Variants in C8orf76 observed in about 807,000 individuals in gnomAD.
The protein encoded by C8orf76 is uncharacterized protein C8orf76.
In C8orf76, 46 loss-of-function variants were observed where a neutral mutation model predicts 38.1. That is an observed-to-expected ratio of 1.21 (90% CI 0.95 to 1.54). The LOEUF (loss-of-function observed/expected upper bound fraction) is 1.54. Ranked by LOEUF, C8orf76 falls within the 40% of genes most tolerant of loss-of-function variation. The probability of loss-of-function intolerance (pLI) is 0.00; values close to 1 mark genes in which losing one functional copy is unlikely to be tolerated. For missense variants in C8orf76, 461 were observed against 441.6 expected, an observed-to-expected ratio of 1.04 and a Z score of -0.39; for synonymous variants, 166 against 167.5, an observed-to-expected ratio of 0.99 and a Z score of 0.07.
intron 5 of C8orf76, among the ~76,000 whole-genome samples, chr8:123,222,465 G>A (rs190435424): frequency 1.3e-5 from 2 of 152,234 alleles, no homozygotes; most frequent in East Asian, 1.9e-4. Flanking sequence ...AAGAGGGACA[G>A]ATAGGCACAA....
rs995506649 is a variant in C8orf76 at position 123,233,456 on chromosome 8, G to A, written c.358-1699C>T. 3.9e-5 allele frequency among the ~76,000 whole-genome samples: 6 copies of A among 151,974 alleles called. 1 individual carries two copies. The highest frequency in any genetic ancestry group is 1.4e-4 in the African/African-American group (6 of 41,396). On this transcript the variant is annotated intron_variant, in intron 3 of 5. Coordinates refer to ENST00000276704, the MANE Select transcript of C8orf76 (RefSeq NM_032847.3). ...TTTGCCCAGGCTGGAGTGCAGTGGC[G>A]TGATCTCGACTCACTGCAATCTCCA...
chr8:123,239,995 A>G (rs1563803161), intron 1 of C8orf76: 1 of 152,092 alleles, frequency 6.6e-6, no homozygotes, highest in Non-Finnish European at 1.5e-5. Flanking sequence ...CAAAAAAAAA[A>G]AAAAGAAAAG....
rs1282341685 is a variant in C8orf76, at chr8:123,241,223, T to C, written c.117+7A>G. ...CGGGATAAGGCGAAGAGGCCCCAGC[T>C]TCTCACCTGCGGCTCGCAGAGCTTG... On this transcript the variant is annotated splice_region_variant and intron_variant, in intron 1 of 5. Coordinates refer to ENST00000276704, the MANE Select transcript of C8orf76 (RefSeq NM_032847.3). The C allele has an allele frequency of 1.3e-6, 2 of 1,586,422 alleles. No homozygotes were observed. The highest frequency in any genetic ancestry group is 1.7e-6 in the Non-Finnish European group (2 of 1,170,610).
At chr8:123,226,427 T>TA (rs780844582) in intron 5 of C8orf76, 73 bp downstream of exon 5, 7 of 1,580,866 alleles carry the variant, frequency 4.4e-6, no homozygotes, top group Admixed American at 2.0e-5. Flanking sequence ...CCCTGCTTTA[T>TA]AAAAAATGCT....
At chr8:123,240,016 C>T (rs959594457) in intron 1 of C8orf76, 2 of 151,984 alleles carry the variant, frequency 1.3e-5, no homozygotes, top group African/African-American at 4.8e-5. Flanking sequence ...AAAAAAATCA[C>T]TTCATTTTAG....
At chr8:123,222,337 G>T (rs902931819) in intron 5 of C8orf76, among the ~76,000 whole-genome samples, 2 of 152,196 alleles carry the variant, frequency 1.3e-5, no homozygotes. Flanking sequence ...TAAAACTGAT[G>T]ATTTCCTGGA....
intron 2 of C8orf76, 122 bp from the exon 3 acceptor site, chr8:123,238,063 C>A: frequency 8.7e-7 from 1 of 1,147,570 alleles, no homozygotes; most frequent in Non-Finnish European, 1.2e-6. Flanking sequence ...CAATGAATTA[C>A]ATGAATATTT....
In C8orf76 at chr8:123,220,007, C is replaced by CATACTCCATGATTATACTCCATG; in HGVS notation, c.*95_*96insCATGGAGTATAATCATGGAGTAT. 1 of 668,810 alleles carries CATACTCCATGATTATACTCCATG rather than the reference C, an allele frequency of 1.5e-6. No homozygotes were observed. Among genetic ancestry groups the CATACTCCATGATTATACTCCATG allele is most frequent in the Non-Finnish European group, 2.4e-6 (1 of 417,506 alleles). The allele number at this position is 668,810 out of a possible 1,614,324, so 41.4% of individuals were successfully genotyped here. A position where few individuals can be genotyped will look rare whatever the true frequency, so the allele number is the denominator to read the frequency against. On this transcript the variant is annotated 3_prime_UTR_variant, in exon 6 of 6. Coordinates refer to ENST00000276704, the MANE Select transcript of C8orf76 (RefSeq NM_032847.3). Reference sequence around the variant, plus strand: ...GCCAGTTTTATAAAACATAAATAATCATTTATACTCCATGATTAGCAATGG... The same window carrying CATACTCCATGATTATACTCCATG: ...GCCAGTTTTATAAAACATAAATAATCATACTCCATGATTATACTCCATGATTTATACTCCATGATTAGCAATGG...
Position 123,234,672 on chromosome 8 carries a change from G to A in C8orf76, c.358-2915C>T, listed in dbSNP as rs1052472315. 2.0e-5 allele frequency among the ~76,000 whole-genome samples: 3 copies of A among 152,198 alleles called. No homozygotes were observed. The East Asian group carries it at 5.8e-4, about 29-fold the overall frequency. On this transcript the variant is annotated intron_variant, in intron 3 of 5. Coordinates refer to ENST00000276704, the MANE Select transcript of C8orf76 (RefSeq NM_032847.3). ...TAATCCCAGCTACTTGGGTGGCTGA[G>A]ACAGGTGAATCGCTTGAACCCAGGA...
chr8:123,225,400 CAT>C (rs1296618006), intron 5 of C8orf76, among the ~76,000 whole-genome samples: 2 of 152,220 alleles, frequency 1.3e-5, no homozygotes, highest in African/African-American at 2.4e-5. Context: ...ATGTGAGACA[CAT>C]GTCCCAGAGA....
chr8:123,223,636 C>G (rs1184791031), intron 5 of C8orf76, among the ~76,000 whole-genome samples: 1 of 151,990 alleles, frequency 6.6e-6, no homozygotes, highest in Non-Finnish European at 1.5e-5. Flanking sequence ...AAAAAGGAGA[C>G]TTAAACATAC....
At chr8:123,229,020 G>A (rs1446659315) in intron 4 of C8orf76, among the ~76,000 whole-genome samples, 12 of 152,172 alleles carry the variant, frequency 7.9e-5, no homozygotes, top group Admixed American at 5.9e-4. Flanking sequence ...CAGTTCTGAC[G>A]CCAAAGTCCT....
At chr8:123,220,981 C>T (rs755049274) in intron 5 of C8orf76, among the ~76,000 whole-genome samples, 3 of 152,140 alleles carry the variant, frequency 2.0e-5, no homozygotes, top group South Asian at 2.1e-4. Context: ...CCATCTGTCA[C>T]GAAAGCTTAT....
rs538404782 is a variant in C8orf76, at chr8:123,235,104, G to A, written c.357+2694C>T. On this transcript the variant is annotated intron_variant, in intron 3 of 5. Coordinates refer to ENST00000276704, the MANE Select transcript of C8orf76 (RefSeq NM_032847.3). ...AAATAGTAGGACTGAAATGTTTGTTGAGTGCTGAGTGGATAAATGAAAAGG... is the reference window on the plus strand; with the variant it reads ...AAATAGTAGGACTGAAATGTTTGTTAAGTGCTGAGTGGATAAATGAAAAGG... Among the ~76,000 whole-genome samples the A allele has an allele frequency of 6.0e-3, 915 of 152,310 alleles. 4 individuals are homozygous for A. The highest frequency in any genetic ancestry group is 0.021 in the African/African-American group (858 of 41,578).
intron 5 of C8orf76, among the ~76,000 whole-genome samples, chr8:123,220,690 G>C (rs895439828): frequency 1.3e-5 from 2 of 152,084 alleles, no homozygotes; most frequent in African/African-American, 2.4e-5. Context: ...CATGTAGCTG[G>C]GCCCACCTTT....
chr8:123,236,798 A>G, intron 3 of C8orf76: 5 of 569,208 alleles, frequency 8.8e-6, no homozygotes, highest in South Asian at 5.9e-5. Flanking sequence ...AAAAAAAAAA[A>G]GAAAGAAAAA....
intron 3 of C8orf76, among the ~76,000 whole-genome samples, chr8:123,234,881 G>T (rs1825403089): frequency 6.6e-6 from 1 of 152,148 alleles, no homozygotes; most frequent in Non-Finnish European, 1.5e-5. Context: ...TGAATTGCTT[G>T]AACCTGGGAG....
intron 5 of C8orf76, 123 bp downstream of exon 5, chr8:123,226,377 A>G: frequency 6.6e-7 from 1 of 1,507,650 alleles, no homozygotes. Flanking sequence ...CAAAAGGCAC[A>G]CAGAGGAGGG....
At chr8:123,224,764 T>C (rs1016508569) in intron 5 of C8orf76, among the ~76,000 whole-genome samples, 1 of 152,214 alleles carries the variant, frequency 6.6e-6, no homozygotes, top group Non-Finnish European at 1.5e-5. Flanking sequence ...CCAACAGATT[T>C]ATCGAGCATG....
Sources: allele counts gnomAD v4.1 joint callset (sites outside exome capture counted in the v4.1 genomes callset), GRCh38; gene constraint gnomAD v4.1.1; transcripts MANE v1.5; gene names NCBI Gene and HGNC (gene_info 2026-07-23, HGNC 2026-07-21).